The following WASF1 variants were observed in gnomAD, a reference collection of about 807,000 sequenced individuals.
The protein encoded by WASF1 is WASP family member 1, also known as actin-binding protein WASF1.
Under a neutral mutation model 50.5 loss-of-function variants are expected in WASF1, and 7 were observed. That is an observed-to-expected ratio of 0.14 (90% CI 0.08 to 0.26). The LOEUF (loss-of-function observed/expected upper bound fraction) is 0.26. Among genes scored for constraint, WASF1 ranks in the 10% least tolerant of loss-of-function variants. The probability of loss-of-function intolerance (pLI) is 1.00; values close to 1 mark genes in which losing one functional copy is unlikely to be tolerated. For missense variants in WASF1, 470 were observed against 694.7 expected (o/e 0.68, Z 3.64); for synonymous variants, 205 against 244.0 (o/e 0.84, Z 1.49).
At position 110,101,740 on chromosome 6, in the gene WASF1, G is replaced by T. The variant is rs777727637; in HGVS notation, c.1370C>A (p.Pro457Gln). 1.2e-6 allele frequency: 2 copies of T among 1,614,156 alleles called. No homozygotes were observed. The highest frequency in any genetic ancestry group is 1.7e-6 in the Non-Finnish European group (2 of 1,180,024). Reference sequence around the variant, plus strand: ...GGGACCTGGGGCAGTAGATGGAGTTGGATGTAGCCCAGAGGGAGGATGAGC... The same window carrying T: ...GGGACCTGGGGCAGTAGATGGAGTTTGATGTAGCCCAGAGGGAGGATGAGC... ...ALAHPPSGLH[P>Q]TPSTAPGPHV... Residue 457 changes from proline (P) to glutamine (Q), a missense_variant, in exon 10 of 11, where the codon CCA becomes CAA. Around this residue, in one of 3 missense-constraint regions of WASF1, gnomAD observed 294 missense variants for 343.5 expected, o/e 0.86. Coordinates refer to ENST00000392589, the MANE Select transcript of WASF1 (RefSeq NM_003931.3).
At chr6:110,121,348 A>C (rs1255958202) in intron 4 of WASF1, among the ~76,000 whole-genome samples, 1 of 152,138 alleles carries the variant, frequency 6.6e-6, no homozygotes, top group African/African-American at 2.4e-5. Context: ...AAGAAAAAAA[A>C]CAACCCGATC....
At chr6:110,123,993 G>C (rs1036512137) in intron 4 of WASF1, among the ~76,000 whole-genome samples, 6 of 151,954 alleles carry the variant, frequency 3.9e-5, no homozygotes, top group African/African-American at 1.5e-4. Context: ...CAGACAGTAA[G>C]GGAAGGGTCC....
intron 3 of WASF1, among the ~76,000 whole-genome samples, chr6:110,143,720 AT>A (rs1313216415): frequency 6.6e-6 from 1 of 152,226 alleles, no homozygotes; most frequent in Non-Finnish European, 1.5e-5. Context: ...AAAGTATTTT[AT>A]TACCTAATCA....
intron 5 of WASF1, among the ~76,000 whole-genome samples, chr6:110,109,029 ATCT>A (rs1416071771): frequency 6.6e-6 from 1 of 152,082 alleles, no homozygotes; most frequent in Non-Finnish European, 1.5e-5. Context: ...TTCTCCTATA[ATCT>A]TCTTTTCCAT....
rs1469892375 is a variant in WASF1, at chr6:110,105,458, A to G, written c.662T>C (p.Leu221Ser). The G allele has an allele frequency of 1.9e-6, 3 of 1,613,818 alleles. No homozygotes were observed. Among genetic ancestry groups the G allele is most frequent in the Non-Finnish European group, 1.7e-6 (2 of 1,179,918 alleles). The change falls in exon 8 of 11, where the codon TTA (leucine) becomes TCA (serine). Residue 221 changes from leucine (L) to serine (S), a missense_variant. By Grantham distance (145) the Leu-to-Ser change is moderately radical. This residue lies in a region of WASF1 where 294 missense variants were observed against 343.5 expected (regional missense o/e 0.86). Transcript: ENST00000392589. The stretch of plus-strand genomic sequence containing the variant: ...ATTAGCAACTTCAATATGCTTATGT[A>G]AGAGATTAGCATCATCTTCAGCCAG... ...PELAEDDANL[L>S]HKHIEVANGP...
At chr6:110,162,217 CTT>C (rs1208030392) in intron 2 of WASF1, among the ~76,000 whole-genome samples, 25 of 151,306 alleles carry the variant, frequency 1.7e-4, no homozygotes, top group Non-Finnish European at 2.5e-4. Context: ...ACAAATTCTG[CTT>C]CTCCTCTCCT....
intron 3 of WASF1, among the ~76,000 whole-genome samples, chr6:110,155,741 C>G (rs1776044097): frequency 3.9e-5 from 2 of 51,718 alleles, no homozygotes; most frequent in Non-Finnish European, 3.7e-5. Context: ...GTGTGATATT[C>G]CCCTTCCTGT....
intron 4 of WASF1, among the ~76,000 whole-genome samples, chr6:110,116,373 G>A (rs1040377742): frequency 1.3e-5 from 2 of 152,218 alleles, no homozygotes; most frequent in African/African-American, 4.8e-5. Flanking sequence ...AGCAGACCAG[G>A]AGATACCCTC....
intron 4 of WASF1, among the ~76,000 whole-genome samples, chr6:110,113,793 G>A (rs572621964): frequency 7.2e-5 from 11 of 152,002 alleles, no homozygotes; most frequent in Non-Finnish European, 1.2e-4. Context: ...AAATTTTAAA[G>A]TATATTTTAA....
intron 3 of WASF1, among the ~76,000 whole-genome samples, chr6:110,131,931 A>C (rs537967395): frequency 5.3e-5 from 8 of 152,310 alleles, no homozygotes; most frequent in African/African-American, 1.9e-4. Flanking sequence ...CACATAACAC[A>C]TACACCCACC....
At chr6:110,113,767 A>G (rs891559989) in intron 4 of WASF1, among the ~76,000 whole-genome samples, 2 of 152,194 alleles carry the variant, frequency 1.3e-5, no homozygotes, top group African/African-American at 2.4e-5. Context: ...TGAACCACAT[A>G]GCCTAAAAAT....
chr6:110,152,136 T>C (rs1302629037), intron 3 of WASF1, among the ~76,000 whole-genome samples: 1 of 152,108 alleles, frequency 6.6e-6, no homozygotes, highest in African/African-American at 2.4e-5. Context: ...TGGGAGATTA[T>C]ATGGGTGGGC....
At position 110,127,585 on chromosome 6, in the gene WASF1, CT is replaced by C; in HGVS notation, c.16del (p.Arg6GlufsTer24). On this transcript the variant is annotated frameshift_variant, in exon 4 of 11. Transcript: ENST00000392589. LOFTEE classifies it high-confidence loss of function. ...GCACAAGTGCCTAGGATCGATGTTT[CT>C]TTTCACTAGCGGCATCTTGAGATTA... MPLVK[R>X]NIDPRHLCHT... 1 of 1,566,274 alleles carries C rather than the reference CT, an allele frequency of 6.4e-7. No homozygotes were observed. The highest frequency in any genetic ancestry group is 1.9e-5 in the Admixed American group (1 of 52,092).
chr6:110,164,038 C>T (rs562344376), intron 2 of WASF1, among the ~76,000 whole-genome samples: 60 of 151,658 alleles, frequency 4.0e-4, no homozygotes, highest in African/African-American at 1.3e-3. Context: ...AGACCTTACA[C>T]GCTTCACAAA....
intron 3 of WASF1, among the ~76,000 whole-genome samples, chr6:110,130,886 C>T (rs1321457073): frequency 6.6e-6 from 1 of 152,092 alleles, no homozygotes; most frequent in African/African-American, 2.4e-5. Flanking sequence ...TCTAGCTGTT[C>T]TTGAGGGTAT....
chr6:110,168,159 T>A (rs1320776970), intron 2 of WASF1, among the ~76,000 whole-genome samples: 2 of 152,056 alleles, frequency 1.3e-5, no homozygotes, highest in East Asian at 3.9e-4. Flanking sequence ...ACCTCTCACA[T>A]AACAGTTAAT....
At chr6:110,126,288 T>C (rs1269045196) in intron 4 of WASF1, among the ~76,000 whole-genome samples, 1 of 152,116 alleles carries the variant, frequency 6.6e-6, no homozygotes, top group Non-Finnish European at 1.5e-5. Flanking sequence ...AAGTAAACAA[T>C]ACAATATTTT....
At chr6:110,154,106 A>C (rs556603786) in intron 3 of WASF1, among the ~76,000 whole-genome samples, 15 of 152,236 alleles carry the variant, frequency 9.9e-5, no homozygotes, top group African/African-American at 3.6e-4. Context: ...AGAGGAAGTG[A>C]GGTTCTACAA....
chr6:110,115,891 G>C (rs1773781950), intron 4 of WASF1, among the ~76,000 whole-genome samples: 1 of 152,114 alleles, frequency 6.6e-6, no homozygotes, highest in African/African-American at 2.4e-5. Context: ...AATAGACAGT[G>C]GATACAGAAA....
Sources: allele counts gnomAD v4.1 joint callset (sites outside exome capture counted in the v4.1 genomes callset), GRCh38; gene constraint gnomAD v4.1.1; regional missense constraint gnomAD v4.1.1; transcripts MANE v1.5; gene names NCBI Gene and HGNC (gene_info 2026-07-23, HGNC 2026-07-21).